MED13L: variants seen among roughly 807,000 people sequenced by gnomAD.
MED13L encodes mediator complex subunit 13L, also known as mediator of RNA polymerase II transcription subunit 13-like.
MED13L carries 7 observed loss-of-function variants against 220.9 expected under a neutral mutation model. The observed-to-expected ratio is 0.03, with a 90% CI of 0.02 to 0.06. MED13L has a LOEUF of 0.06. Ranked by LOEUF, MED13L falls within the 10% of genes least tolerant of loss-of-function variation. The probability of loss-of-function intolerance (pLI) is 1.00; values close to 1 mark genes in which losing one functional copy is unlikely to be tolerated. For missense variants in MED13L, 1,965 were observed against 2,760.5 expected, an observed-to-expected ratio of 0.71 and a Z score of 6.46; for synonymous variants, 1,011 against 1,015.2, an observed-to-expected ratio of 1.00 and a Z score of 0.08.
intron 4 of MED13L, among the ~76,000 whole-genome samples, chr12:116,078,986 T>TG (rs1185931682): frequency 6.6e-6 from 1 of 152,198 alleles, no homozygotes; most frequent in Non-Finnish European, 1.5e-5. Flanking sequence ...AAGTGTACAG[T>TG]GGAGTTTTCC....
chr12:116,191,029 T>C (rs1387618316), intron 2 of MED13L, among the ~76,000 whole-genome samples: 2 of 150,380 alleles, frequency 1.3e-5, no homozygotes, highest in Admixed American at 6.6e-5. Flanking sequence ...GAGGCGGAGG[T>C]TGCAGTGAGC....
At chr12:116,063,003 T>C (rs954024079) in intron 4 of MED13L, among the ~76,000 whole-genome samples, 3 of 152,236 alleles carry the variant, frequency 2.0e-5, no homozygotes, top group Non-Finnish European at 4.4e-5. Context: ...GTCTACTTTA[T>C]TTCTCAAAAT....
At chr12:116,158,363 G>A (rs925056238) in intron 2 of MED13L, among the ~76,000 whole-genome samples, 4 of 152,038 alleles carry the variant, frequency 2.6e-5, no homozygotes, top group East Asian at 1.9e-4. Context: ...GAAGAAGATC[G>A]GTTCTTCAGA....
intron 4 of MED13L, among the ~76,000 whole-genome samples, chr12:116,033,758 G>GT (rs1372882856): frequency 2.6e-5 from 4 of 152,246 alleles, no homozygotes; most frequent in South Asian, 4.2e-4. Flanking sequence ...GTGTGTGTGT[G>GT]TGTGTATGTG....
intron 4 of MED13L, among the ~76,000 whole-genome samples, chr12:116,049,413 G>T (rs986247336): frequency 3.3e-5 from 5 of 152,082 alleles, no homozygotes; most frequent in African/African-American, 1.2e-4. Flanking sequence ...CTTCTTAAAT[G>T]TATCACATAA....
chr12:116,117,544 CTTTAT>C (rs1201670544), intron 2 of MED13L, among the ~76,000 whole-genome samples: 4 of 151,896 alleles, frequency 2.6e-5, no homozygotes, highest in East Asian at 1.9e-4. Flanking sequence ...ATATTGACCT[CTTTAT>C]TTTCTTAGTA....
chr12:116,251,933 T>C (rs1871604328), intron 1 of MED13L, among the ~76,000 whole-genome samples: 1 of 151,658 alleles, frequency 6.6e-6, no homozygotes. Flanking sequence ...AGAAGTACTA[T>C]TACTAGGAAT....
At chr12:116,022,670 C>G in intron 4 of MED13L, 69 bp from the exon 5 acceptor site, 2 of 1,501,472 alleles carry the variant, frequency 1.3e-6, no homozygotes, top group Non-Finnish European at 1.8e-6. Flanking sequence ...ACAGGAACTA[C>G]AGGTAAGATA....
intron 4 of MED13L, among the ~76,000 whole-genome samples, chr12:116,088,823 G>C (rs922660381): frequency 2.0e-5 from 3 of 150,408 alleles, no homozygotes. Flanking sequence ...AAAAGAAAAG[G>C]CCAAATCAAC....
chr12:116,248,221 G>T (rs1871241152), intron 1 of MED13L, among the ~76,000 whole-genome samples: 1 of 152,190 alleles, frequency 6.6e-6, no homozygotes, highest in South Asian at 2.1e-4. Context: ...AAATGATTCT[G>T]AAGTTATTTA....
intron 1 of MED13L, among the ~76,000 whole-genome samples, chr12:116,271,386 C>T (rs1472161111): frequency 6.6e-6 from 1 of 151,506 alleles, no homozygotes. Context: ...GTCAGGAGAT[C>T]GAGACCATCC....
chr12:116,253,872 G>A (rs1257304369), intron 1 of MED13L, among the ~76,000 whole-genome samples: 4 of 146,530 alleles, frequency 2.7e-5, no homozygotes, highest in South Asian at 4.4e-4. Flanking sequence ...AGATTCTCGT[G>A]CCTCGGCCTC....
At chr12:116,211,162 C>T (rs1028645127) in intron 2 of MED13L, among the ~76,000 whole-genome samples, 2 of 152,168 alleles carry the variant, frequency 1.3e-5, no homozygotes, top group Non-Finnish European at 2.9e-5. Context: ...CCTTTTCTTA[C>T]GATGGTGCCC....
At chr12:116,156,698 T>C (rs1265326380) in intron 2 of MED13L, among the ~76,000 whole-genome samples, 1 of 152,182 alleles carries the variant, frequency 6.6e-6, no homozygotes, top group Non-Finnish European at 1.5e-5. Flanking sequence ...GCAAATATAT[T>C]TTATCTGAAG....
chr12:116,098,043 G>A (rs1389283191), intron 3 of MED13L, among the ~76,000 whole-genome samples: 1 of 152,118 alleles, frequency 6.6e-6, no homozygotes, highest in African/African-American at 2.4e-5. Flanking sequence ...TCAGGAGTTC[G>A]AGACTAGCCT....
intron 4 of MED13L, among the ~76,000 whole-genome samples, chr12:116,030,259 C>A (rs942418732): frequency 1.3e-5 from 2 of 152,032 alleles, no homozygotes; most frequent in Non-Finnish European, 2.9e-5. Context: ...AACAACAGTG[C>A]AATTTAGTTA....
intron 22 of MED13L, chr12:115,981,907 T>G (rs145492030): frequency 1.2e-5 from 2 of 161,268 alleles, no homozygotes; most frequent in Non-Finnish European, 2.7e-5. Flanking sequence ...GACGGAATTA[T>G]GACTATTTTT....
intron 2 of MED13L, among the ~76,000 whole-genome samples, chr12:116,231,032 A>G (rs1476820980): frequency 6.6e-6 from 1 of 152,164 alleles, no homozygotes; most frequent in African/African-American, 2.4e-5. Context: ...TAGATCTTCA[A>G]TATTTTATTC....
Position 116,007,421 on chromosome 12 carries a change from T to C in MED13L, c.2228A>G (p.Lys743Arg), listed in dbSNP as rs780374119. Residue 743 changes from lysine to arginine, a missense_variant, in exon 11 of 31, where the codon AAA (lysine) becomes AGA (arginine). Coordinates refer to ENST00000281928, the MANE Select transcript of MED13L (RefSeq NM_015335.5). ...CKQGTEKDSLKKNKSEDGFGT... is the reference protein window; with the variant it reads ...CKQGTEKDSLRKNKSEDGFGT... Reference sequence around the variant, plus strand: ...TCTGTTAAATGGTACCTTATTCTTTTTCAGGGAATCTTTCTCCGTCCCTTG... The same window carrying C: ...TCTGTTAAATGGTACCTTATTCTTTCTCAGGGAATCTTTCTCCGTCCCTTG... 1 of 1,612,116 alleles carries C rather than the reference T, an allele frequency of 6.2e-7. No homozygotes were observed.
Sources: allele counts gnomAD v4.1 joint callset (sites outside exome capture counted in the v4.1 genomes callset), GRCh38; gene constraint gnomAD v4.1.1; transcripts MANE v1.5; gene names NCBI Gene and HGNC (gene_info 2026-07-23, HGNC 2026-07-21).